The following CFAP300 variants were observed in gnomAD, a reference collection of about 807,000 sequenced individuals.
CFAP300 encodes cilia and flagella associated protein 300, also known as cilia- and flagella-associated protein 300.
In CFAP300, 32 loss-of-function variants were observed where a neutral mutation model predicts 33.0. The observed-to-expected ratio is 0.97, with a 90% CI of 0.73 to 1.30. The LOEUF (loss-of-function observed/expected upper bound fraction) is 1.30. CFAP300 is among the 50% of genes most tolerant of loss of function. CFAP300 has a pLI of 0.00. For missense variants in CFAP300, 356 were observed against 318.1 expected, an observed-to-expected ratio of 1.12 and a Z score of -0.90; for synonymous variants, 102 against 106.8, an observed-to-expected ratio of 0.95 and a Z score of 0.28.
In CFAP300 at chr11:102,058,921, A is replaced by G. The variant is rs762030008; in HGVS notation, c.234A>G (p.Leu78=). 1.3e-6 allele frequency: 2 copies of G among 1,588,732 alleles called. No homozygotes were observed. The highest frequency in any genetic ancestry group is 1.7e-6 in the Non-Finnish European group (2 of 1,169,420). ...KDPNVIPNLK[L]LSDSSGQWII... Reference sequence around the variant, plus strand: ...CAAATGTTATTCCCAATTTGAAGTTACTTTCAGATTCTTCTGGACAATGGA... The same window carrying G: ...CAAATGTTATTCCCAATTTGAAGTTGCTTTCAGATTCTTCTGGACAATGGA... Residue 78 remains leucine, a synonymous_variant, in exon 3 of 7, where the codon TTA becomes TTG. Coordinates refer to ENST00000434758, the MANE Select transcript of CFAP300 (RefSeq NM_032930.3).
At chr11:102,069,855 T>C (rs1048908845) in intron 4 of CFAP300, among the ~76,000 whole-genome samples, 1 of 151,968 alleles carries the variant, frequency 6.6e-6, no homozygotes, top group Non-Finnish European at 1.5e-5. Flanking sequence ...TAGTCTCAGC[T>C]ACTTGGAAGG....
At chr11:102,070,660 C>CT (rs531347966) in intron 4 of CFAP300, among the ~76,000 whole-genome samples, 4 of 152,148 alleles carry the variant, frequency 2.6e-5, no homozygotes, top group Admixed American at 2.6e-4. Context: ...AGTCTTAGTA[C>CT]TTTTTTGATG....
chr11:102,065,383 G>A (rs1054665915), intron 3 of CFAP300, among the ~76,000 whole-genome samples: 16 of 151,930 alleles, frequency 1.1e-4, no homozygotes, highest in Non-Finnish European at 2.2e-4. Context: ...TGGAATTACA[G>A]GCATGACCCA....
chr11:102,077,615 G>C (rs1942416030), intron 5 of CFAP300, among the ~76,000 whole-genome samples: 1 of 152,026 alleles, frequency 6.6e-6, no homozygotes. Flanking sequence ...TGTCACCCAG[G>C]CCAGGCTGGA....
chr11:102,047,746 G>C, intron 1 of CFAP300, 69 bp from the exon 2 acceptor site: 1 of 1,562,734 alleles, frequency 6.4e-7, no homozygotes, highest in Non-Finnish European at 8.7e-7. Flanking sequence ...CTGTGGGTGG[G>C]ATCGGTTATC....
chr11:102,063,042 C>T (rs979084412), intron 3 of CFAP300, among the ~76,000 whole-genome samples: 1 of 152,218 alleles, frequency 6.6e-6, no homozygotes, highest in Non-Finnish European at 1.5e-5. Context: ...CCATCAGGGC[C>T]ACTGCCTCCA....
chr11:102,074,600 C>T (rs936892155), intron 4 of CFAP300, among the ~76,000 whole-genome samples: 1 of 152,174 alleles, frequency 6.6e-6, no homozygotes, highest in Non-Finnish European at 1.5e-5. Context: ...ACATCCCTCC[C>T]ATGTAAAGTT....
intron 6 of CFAP300, among the ~76,000 whole-genome samples, chr11:102,081,806 G>C (rs1477670775): frequency 1.3e-5 from 2 of 150,712 alleles, no homozygotes; most frequent in African/African-American, 4.9e-5. Flanking sequence ...CAGGAGAATT[G>C]CTTGAACCTG....
chr11:102,066,987 C>A (rs942560959), intron 4 of CFAP300, among the ~76,000 whole-genome samples: 2 of 152,214 alleles, frequency 1.3e-5, no homozygotes, highest in Admixed American at 1.3e-4. Context: ...AAGTCCTGGC[C>A]TATTTAATAA....
Position 102,074,931 on chromosome 11 carries a change from T to C in CFAP300, c.436-942T>C, listed in dbSNP as rs181355539. On this transcript the variant is annotated intron_variant, in intron 4 of 6. Coordinates refer to ENST00000434758, the MANE Select transcript of CFAP300 (RefSeq NM_032930.3). Reference sequence around the variant, plus strand: ...TGTGTTGCTCAGGCTGGCCTCAAGCTCCTGGCCTCAAGCGATCCTCCTGCC... The same window carrying C: ...TGTGTTGCTCAGGCTGGCCTCAAGCCCCTGGCCTCAAGCGATCCTCCTGCC... 1.6e-3 allele frequency among the ~76,000 whole-genome samples: 238 copies of C among 151,556 alleles called. 1 individual carries two copies. The highest frequency in any genetic ancestry group is 5.6e-3 in the African/African-American group (232 of 41,362).
chr11:102,063,687 C>T (rs1942184624), intron 3 of CFAP300, among the ~76,000 whole-genome samples: 1 of 152,120 alleles, frequency 6.6e-6, no homozygotes, highest in Non-Finnish European at 1.5e-5. Context: ...GCTGTGTTGG[C>T]ACACACCTGT....
At chr11:102,048,119 C>T (rs771175380) in intron 2 of CFAP300, among the ~76,000 whole-genome samples, 41 of 152,202 alleles carry the variant, frequency 2.7e-4, no homozygotes, top group Non-Finnish European at 3.7e-4. Context: ...CTACTTTCAG[C>T]ATCTTGTATC....
chr11:102,081,942 GGTACTTGAATTT>G (rs1275895237), intron 6 of CFAP300, among the ~76,000 whole-genome samples: 3 of 150,852 alleles, frequency 2.0e-5, no homozygotes, highest in Non-Finnish European at 4.4e-5. Flanking sequence ...CATAGAATCT[GGTACTTGAATTT>G]CAGTATTATA....
chr11:102,064,911 A>G (rs1455242268), intron 3 of CFAP300, among the ~76,000 whole-genome samples: 2 of 152,196 alleles, frequency 1.3e-5, no homozygotes, highest in East Asian at 1.9e-4. Flanking sequence ...AATTCAGGAA[A>G]TAAGTGTGGG....
chr11:102,055,189 C>T (rs1038917761), intron 2 of CFAP300, among the ~76,000 whole-genome samples: 2 of 151,934 alleles, frequency 1.3e-5, no homozygotes, highest in African/African-American at 4.8e-5. Flanking sequence ...ACATGTTGGT[C>T]AGGTTAGTCT....
intron 3 of CFAP300, among the ~76,000 whole-genome samples, chr11:102,064,788 G>A (rs1275863258): frequency 6.6e-6 from 1 of 152,144 alleles, no homozygotes; most frequent in African/African-American, 2.4e-5. Flanking sequence ...TGTCTACATA[G>A]AGACTGATTC....
chr11:102,052,430 G>A (rs1941985797), intron 2 of CFAP300, among the ~76,000 whole-genome samples: 1 of 152,134 alleles, frequency 6.6e-6, no homozygotes, highest in Admixed American at 6.5e-5. Flanking sequence ...AGACTAAAAT[G>A]TCATAAGGCA....
intron 3 of CFAP300, among the ~76,000 whole-genome samples, chr11:102,059,281 A>ATGTG (rs55657614): frequency 0.011 from 1,610 of 148,628 alleles, 18 homozygotes; most frequent in African/African-American, 0.027. Context: ...ATATGTTAAA[A>ATGTG]TGTGTGTGTG....
At chr11:102,065,889 AT>A (rs1175963514) in intron 3 of CFAP300, among the ~76,000 whole-genome samples, 1 of 151,968 alleles carries the variant, frequency 6.6e-6, no homozygotes, top group Non-Finnish European at 1.5e-5. Context: ...CCTCTACTAC[AT>A]TTTTTTAAAA....
Sources: gnomAD v4.1 joint callset for allele counts (sites outside exome capture counted in the v4.1 genomes callset) on GRCh38, gnomAD v4.1.1 for gene constraint, MANE v1.5 for transcripts, NCBI Gene and HGNC (gene_info 2026-07-23, HGNC 2026-07-21) for gene names.